The following SH3D19 variants were observed in gnomAD, a reference collection of about 807,000 sequenced individuals.
The protein encoded by SH3D19 is SH3 domain containing 19.
Under a neutral mutation model 112.1 loss-of-function variants are expected in SH3D19, and 58 were observed. That is an observed-to-expected ratio of 0.52 (90% CI 0.42 to 0.64). SH3D19 has a LOEUF of 0.64. Ranked by LOEUF, SH3D19 falls within the 30% of genes least tolerant of loss-of-function variation. The pLI is 0.00. For missense variants in SH3D19, 1,090 were observed against 1,263.4 expected (o/e 0.86, Z 2.08); for synonymous variants, 391 against 448.5 (o/e 0.87, Z 1.62).
chr4:151,174,103 A>G (rs1455939833), intron 7 of SH3D19, among the ~76,000 whole-genome samples: 1 of 152,124 alleles, frequency 6.6e-6, no homozygotes, highest in African/African-American at 2.4e-5. Context: ...TAAAGGAACA[A>G]CTTTGCAACA....
chr4:151,214,128 A>G (rs867978271), intron 2 of SH3D19, among the ~76,000 whole-genome samples: 2,170 of 151,402 alleles, frequency 0.014, 39 homozygotes, highest in African/African-American at 0.047. Flanking sequence ...CACCGCCCTT[A>G]ATCCATTTAA....
chr4:151,254,474 C>T lies in SH3D19; in HGVS notation c.113-28388G>A, dbSNP rs1036729540. On this transcript the variant is annotated intron_variant, in intron 1 of 19. Transcript: ENST00000604030. The stretch of plus-strand genomic sequence containing the variant: ...CTAGGCAGAGGACCCTGTGGCCTTC[C>T]GCAGTGTTTGTGTCCCTGGGTACTT... 7.4e-5 allele frequency among the ~76,000 whole-genome samples: 11 copies of T among 148,204 alleles called. No individual in the cohort carries two copies. In the East Asian group the frequency reaches 1.4e-3, roughly 18 times the overall value.
At chr4:151,143,561 G>C (rs1033460741) in intron 12 of SH3D19, among the ~76,000 whole-genome samples, 3 of 151,652 alleles carry the variant, frequency 2.0e-5, no homozygotes, top group Non-Finnish European at 4.4e-5. Flanking sequence ...ATGAAAACTA[G>C]GATAAACGGC....
intron 2 of SH3D19, among the ~76,000 whole-genome samples, chr4:151,197,611 A>G (rs1211348462): frequency 2.0e-5 from 3 of 152,218 alleles, no homozygotes; most frequent in Non-Finnish European, 4.4e-5. Context: ...TAACCACTGC[A>G]ATATTCTCCT....
chr4:151,308,459 T>G (rs1247627518), intron 1 of SH3D19, among the ~76,000 whole-genome samples: 4 of 152,196 alleles, frequency 2.6e-5, no homozygotes, highest in Non-Finnish European at 5.9e-5. Flanking sequence ...ATTGCAGGCA[T>G]TTCTAGGTGA....
At chr4:151,296,969 G>A (rs994263309) in intron 1 of SH3D19, among the ~76,000 whole-genome samples, 3 of 152,128 alleles carry the variant, frequency 2.0e-5, no homozygotes, top group African/African-American at 7.2e-5. Context: ...GCTATATTTT[G>A]ATATTATTTC....
chr4:151,291,408 G>A, intron 1 of SH3D19: 1 of 1,613,856 alleles, frequency 6.2e-7, no homozygotes. Context: ...CTTGCATACA[G>A]GGCTGGGAAG....
At chr4:151,180,545 T>G (rs1760720914) in intron 3 of SH3D19, among the ~76,000 whole-genome samples, 1 of 151,452 alleles carries the variant, frequency 6.6e-6, no homozygotes, top group African/African-American at 2.4e-5. Flanking sequence ...TAGCTGGGAC[T>G]ACAGGCGCCC....
At chr4:151,125,576 G>C (rs139147046) in intron 19 of SH3D19, among the ~76,000 whole-genome samples, 1 of 151,636 alleles carries the variant, frequency 6.6e-6, no homozygotes, top group African/African-American at 2.4e-5. Context: ...GAGAGAGGCC[G>C]GGCATGGTGG....
At chr4:151,311,082 G>C (rs1257972812) in intron 1 of SH3D19, among the ~76,000 whole-genome samples, 1 of 147,886 alleles carries the variant, frequency 6.8e-6, no homozygotes, top group Middle Eastern at 3.2e-3. Flanking sequence ...ACATGGGAGT[G>C]CAGATATCTC....
At chr4:151,277,235 G>C in intron 1 of SH3D19, 1 of 1,498,052 alleles carries the variant, frequency 6.7e-7, no homozygotes, top group Non-Finnish European at 9.0e-7. Context: ...GTGAGCGCCA[G>C]GGTGGGGTTG....
chr4:151,212,297 C>T (rs994321790), intron 2 of SH3D19, among the ~76,000 whole-genome samples: 1 of 152,078 alleles, frequency 6.6e-6, no homozygotes, highest in Non-Finnish European at 1.5e-5. Context: ...CAGGCACATG[C>T]CAACACACCT....
At chr4:151,296,848 G>A (rs1775748551) in intron 1 of SH3D19, among the ~76,000 whole-genome samples, 1 of 152,100 alleles carries the variant, frequency 6.6e-6, no homozygotes, top group South Asian at 2.1e-4. Context: ...TTTTTCAATA[G>A]ACTAGTTCAA....
intron 1 of SH3D19, among the ~76,000 whole-genome samples, chr4:151,319,000 T>C (rs1730278664): frequency 6.6e-6 from 1 of 152,216 alleles, no homozygotes; most frequent in Non-Finnish European, 1.5e-5. Flanking sequence ...GTATTGCCAG[T>C]ATTTTAGGCA....
At chr4:151,178,791 T>TA (rs559345190) in intron 4 of SH3D19, among the ~76,000 whole-genome samples, 11 of 150,382 alleles carry the variant, frequency 7.3e-5, no homozygotes, top group East Asian at 1.9e-4. Context: ...TGATGTAATG[T>TA]AAAAAAAAAA....
At chr4:151,164,812 T>G (rs1232798548) in intron 8 of SH3D19, among the ~76,000 whole-genome samples, 1 of 152,124 alleles carries the variant, frequency 6.6e-6, no homozygotes, top group East Asian at 1.9e-4. Context: ...TCTCTTGACC[T>G]CGTGATCCAC....
chr4:151,152,305 G>A (rs1027462883), intron 9 of SH3D19, among the ~76,000 whole-genome samples: 2 of 152,034 alleles, frequency 1.3e-5, no homozygotes, highest in African/African-American at 4.8e-5. Context: ...TAACCTCAAG[G>A]CTCTCTGCAT....
chr4:151,286,184 G>GAAAAAAAAAAAAAAAAAAAAAAATAAA (rs56850648), intron 1 of SH3D19, among the ~76,000 whole-genome samples: 1 of 86,628 alleles, frequency 1.2e-5, no homozygotes, highest in Non-Finnish European at 2.0e-5. Context: ...CTGTCTTAAA[G>GAAAAAAAAAAAAAAAAAAAAAAATAAA]AAAAAAAAAA....
chr4:151,237,113 A>T (rs1423274494), intron 1 of SH3D19, among the ~76,000 whole-genome samples: 1 of 150,336 alleles, frequency 6.7e-6, no homozygotes, highest in African/African-American at 2.4e-5. Flanking sequence ...ATGCACCGCG[A>T]AAGTCTGCAG....
Sources: allele counts gnomAD v4.1 joint callset (sites outside exome capture counted in the v4.1 genomes callset), GRCh38; gene constraint gnomAD v4.1.1; transcripts MANE v1.5; gene names NCBI Gene and HGNC (gene_info 2026-07-23, HGNC 2026-07-21).